PDE10A: variants seen among roughly 807,000 people sequenced by gnomAD.
The protein encoded by PDE10A is cAMP and cAMP-inhibited cGMP 3',5'-cyclic phosphodiesterase 10A.
In PDE10A, 39 loss-of-function variants were observed where a neutral mutation model predicts 97.7. That is an observed-to-expected ratio of 0.40 (90% confidence interval 0.31 to 0.52). The LOEUF is 0.52. Ranked by LOEUF, PDE10A falls within the 20% of genes least tolerant of loss-of-function variation. The pLI, the probability that PDE10A is intolerant of heterozygous loss-of-function variation, is 0.56. For missense variants in PDE10A, 731 were observed against 1,047.8 expected, an observed-to-expected ratio of 0.70 and a Z score of 4.17; for synonymous variants, 371 against 376.8, an observed-to-expected ratio of 0.98 and a Z score of 0.18.
Position 165,459,522 on chromosome 6 carries a change from T to C in PDE10A, c.1024-9160A>G, listed in dbSNP as rs7753857. On this transcript the variant is annotated intron_variant, in intron 3 of 21. Coordinates refer to ENST00000539869, the MANE Select transcript of PDE10A (RefSeq NM_001385079.1). ...ATAGATAGATAGATAGATAGATAGATAGACAGACAGACAGACAGACAGACA... is the reference window on the plus strand; with the variant it reads ...ATAGATAGATAGATAGATAGATAGACAGACAGACAGACAGACAGACAGACA... Among the ~76,000 whole-genome samples the C allele has an allele frequency of 9.6e-3, 1,016 of 106,108 alleles. 6 individuals carry two copies. Among genetic ancestry groups the C allele is most frequent in the East Asian group, 0.011 (44 of 4,052 alleles). 69.6% of individuals were successfully genotyped at this position (106,108 alleles called of 152,430 possible). A position where few individuals can be genotyped will look rare whatever the true frequency, so the allele number is the denominator to read the frequency against.
At chr6:165,790,776 A>C (rs1778624775) in intron 1 of PDE10A, among the ~76,000 whole-genome samples, 1 of 152,094 alleles carries the variant, frequency 6.6e-6, no homozygotes, top group African/African-American at 2.4e-5. Flanking sequence ...AAGTGTGTGG[A>C]TTGAGCACAC....
intron 1 of PDE10A, among the ~76,000 whole-genome samples, chr6:165,817,400 A>C (rs915528616): frequency 6.6e-6 from 1 of 152,086 alleles, no homozygotes; most frequent in Non-Finnish European, 1.5e-5. Context: ...CAGCTCCCAG[A>C]AGAGTTGGTT....
intron 1 of PDE10A, among the ~76,000 whole-genome samples, chr6:165,872,121 T>C (rs1222067639): frequency 6.6e-6 from 1 of 152,208 alleles, no homozygotes; most frequent in Admixed American, 6.5e-5. Flanking sequence ...AGTTAGAGCA[T>C]GCCTTTATGA....
intron 18 of PDE10A, among the ~76,000 whole-genome samples, chr6:165,362,507 A>T (rs1232879905): frequency 6.6e-6 from 1 of 152,224 alleles, no homozygotes; most frequent in East Asian, 1.9e-4. Context: ...TAAATATGAC[A>T]TAAGAAGAAA....
At chr6:165,800,447 C>A (rs780050307) in intron 1 of PDE10A, among the ~76,000 whole-genome samples, 2 of 152,158 alleles carry the variant, frequency 1.3e-5, no homozygotes, top group Non-Finnish European at 2.9e-5. Context: ...GCTGGAACTG[C>A]GGCCAGCTTT....
chr6:165,676,165 T>G (rs1289293914), intron 1 of PDE10A, among the ~76,000 whole-genome samples: 4 of 152,032 alleles, frequency 2.6e-5, no homozygotes, highest in African/African-American at 2.4e-5. Context: ...CTCAGAAGTG[T>G]GAGCTGAAAA....
At chr6:165,602,178 G>A (rs538716984) in intron 1 of PDE10A, among the ~76,000 whole-genome samples, 23 of 152,242 alleles carry the variant, frequency 1.5e-4, no homozygotes, top group African/African-American at 3.4e-4. Context: ...AGTAAGGCAC[G>A]CTGCAACCTC....
intron 1 of PDE10A, among the ~76,000 whole-genome samples, chr6:165,904,582 C>T (rs1782213039): frequency 6.6e-6 from 1 of 152,030 alleles, no homozygotes; most frequent in Non-Finnish European, 1.5e-5. Context: ...TGGTCAAATC[C>T]TTCTAAGGAG....
chr6:165,777,322 G>A (rs1198450990), intron 1 of PDE10A, among the ~76,000 whole-genome samples: 3 of 152,202 alleles, frequency 2.0e-5, no homozygotes, highest in Non-Finnish European at 4.4e-5. Flanking sequence ...CGGGAGCATC[G>A]GGGTGCAGTG....
chr6:165,657,503 G>A (rs3008055), intron 1 of PDE10A, among the ~76,000 whole-genome samples: 13,078 of 152,264 alleles, frequency 0.086, 602 homozygotes, highest in Non-Finnish European at 0.11. Context: ...CAATGTATTC[G>A]TTGGTGAAAT....
chr6:165,771,653 AT>A (rs1232065545), intron 1 of PDE10A, among the ~76,000 whole-genome samples: 1,615 of 82,364 alleles, frequency 0.02, 16 homozygotes, highest in African/African-American at 0.062. Flanking sequence ...GTTTAACAAG[AT>A]AAAAAAAAAA....
At chr6:165,507,402 T>A (rs1781258432) in intron 2 of PDE10A, among the ~76,000 whole-genome samples, 1 of 152,094 alleles carries the variant, frequency 6.6e-6, no homozygotes, top group Non-Finnish European at 1.5e-5. Flanking sequence ...GAGGATTAAA[T>A]AAGCTAACAC....
chr6:165,595,208 G>A (rs1004261018), intron 1 of PDE10A, among the ~76,000 whole-genome samples: 16 of 152,160 alleles, frequency 1.1e-4, no homozygotes, highest in African/African-American at 3.9e-4. Context: ...CGTAGCCTCA[G>A]TCCATCCTTT....
In PDE10A at chr6:165,559,732, C is replaced by T. The variant is rs138181206; in HGVS notation, c.866-16164G>A. ...TAGCTCCCATAATTCCCACGTGTTG[C>T]GGGAGGGACCTGGTGGGAGATAACT... is the stretch of plus-strand genomic sequence containing the variant. On this transcript the variant is annotated intron_variant, in intron 1 of 21. Transcript: ENST00000539869. Among the ~76,000 whole-genome samples the T allele has an allele frequency of 4.3e-3, 651 of 152,194 alleles. 2 individuals are homozygous for T. The highest frequency in any genetic ancestry group is 6.8e-3 in the Non-Finnish European group (463 of 67,974).
chr6:165,650,419 T>C (rs555897397), intron 1 of PDE10A, among the ~76,000 whole-genome samples: 2 of 152,310 alleles, frequency 1.3e-5, no homozygotes, highest in South Asian at 4.1e-4. Context: ...AACAGTTTCT[T>C]GTGTTTCTTC....
intron 1 of PDE10A, among the ~76,000 whole-genome samples, chr6:165,787,505 C>T (rs1357138866): frequency 6.6e-6 from 1 of 152,126 alleles, no homozygotes; most frequent in Non-Finnish European, 1.5e-5. Context: ...TTCACCATCT[C>T]TCCTTTATGC....
chr6:165,729,861 C>T (rs1213289083), intron 1 of PDE10A, among the ~76,000 whole-genome samples: 1 of 152,060 alleles, frequency 6.6e-6, no homozygotes, highest in African/African-American at 2.4e-5. Context: ...ACATTGCAAG[C>T]TGGAAGAGAA....
intron 1 of PDE10A, among the ~76,000 whole-genome samples, chr6:165,804,118 A>C (rs938056908): frequency 7.9e-5 from 12 of 152,214 alleles, no homozygotes; most frequent in African/African-American, 2.9e-4. Flanking sequence ...AGATCTAGTC[A>C]ATTTAATTTC....
chr6:165,647,122 T>C (rs1016254636), intron 1 of PDE10A, among the ~76,000 whole-genome samples: 3 of 152,208 alleles, frequency 2.0e-5, no homozygotes, highest in South Asian at 2.1e-4. Context: ...CTGTGATGCA[T>C]GTACAGGACT....
Sources: allele counts gnomAD v4.1 joint callset (sites outside exome capture counted in the v4.1 genomes callset), GRCh38; gene constraint gnomAD v4.1.1; transcripts MANE v1.5; gene names NCBI Gene and HGNC (gene_info 2026-07-23, HGNC 2026-07-21).